The following LARP1B variants were observed in gnomAD, a reference collection of about 807,000 sequenced individuals.
The protein encoded by LARP1B is la-related protein 1B.
Under a neutral mutation model 114.2 loss-of-function variants are expected in LARP1B, and 76 were observed. That is an observed-to-expected ratio of 0.67 (90% confidence interval 0.55 to 0.81). The LOEUF is 0.81. LARP1B is among the 30% of genes least tolerant of loss of function. LARP1B has a pLI of 0.00. For synonymous variants in LARP1B, 345 were observed against 348.0 expected (o/e 0.99, Z 0.10); for missense variants, 1,014 against 1,075.8 (o/e 0.94, Z 0.80).
chr4:128,212,912 C>CTTTTTTTTTTTTTTTTTTTT (rs1174891101), downstream of LARP1B, among the ~76,000 whole-genome samples: 2 of 83,740 alleles, frequency 2.4e-5, no homozygotes, highest in African/African-American at 4.8e-5. Flanking sequence ...AAATCTCTCT[C>CTTTTTTTTTTTTTTTTTTTT]TTTTTTTTTT....
chr4:128,176,105 T>C (rs529486962), intron 12 of LARP1B, among the ~76,000 whole-genome samples: 61 of 145,606 alleles, frequency 4.2e-4, no homozygotes, highest in Admixed American at 7.0e-4. Flanking sequence ...TATATATATA[T>C]ACACACATAT....
At position 128,210,666 on chromosome 4, in the gene LARP1B, T is replaced by A. The variant is rs1453969953; in HGVS notation, c.*613T>A. 4 of 971,178 alleles carry A rather than the reference T, an allele frequency of 4.1e-6. No individual in the cohort carries two copies. Among genetic ancestry groups the A allele is most frequent in the Non-Finnish European group, 4.9e-6 (4 of 817,010 alleles). The allele number at this position is 971,178 out of a possible 1,614,324, so 60.2% of individuals were successfully genotyped here. ...GTAGGAATATATAGTAAGATTGTAG[T>A]TACAATGAGTATATGCACTTTTGAT... is the stretch of plus-strand genomic sequence containing the variant. On this transcript the variant is annotated 3_prime_UTR_variant, in exon 20 of 20. Transcript: ENST00000326639.
chr4:128,109,335 C>A (rs1783185591), intron 9 of LARP1B, among the ~76,000 whole-genome samples: 1 of 152,086 alleles, frequency 6.6e-6, no homozygotes, highest in Admixed American at 6.6e-5. Context: ...AAAATTTTAA[C>A]AACATAACTC....
At chr4:128,162,055 C>G in intron 11 of LARP1B, 139 bp from the exon 12 acceptor site, 2 of 666,532 alleles carry the variant, frequency 3.0e-6, no homozygotes, top group East Asian at 2.8e-5. Context: ...ATGCTAGACT[C>G]TTTATTAGAA....
At chr4:128,115,370 T>A (rs1785447254) in intron 10 of LARP1B, among the ~76,000 whole-genome samples, 1 of 152,168 alleles carries the variant, frequency 6.6e-6, no homozygotes, top group South Asian at 2.1e-4. Flanking sequence ...CGGGGCCCCC[T>A]GGGCAACATA....
At chr4:128,111,043 A>T (rs967716414) in intron 9 of LARP1B, among the ~76,000 whole-genome samples, 11 of 136,334 alleles carry the variant, frequency 8.1e-5, no homozygotes, top group African/African-American at 2.7e-4. Flanking sequence ...AAAACTCATA[A>T]TTTTTTTTTT....
chr4:128,136,001 A>C (rs1409747062), intron 11 of LARP1B, among the ~76,000 whole-genome samples: 1 of 152,154 alleles, frequency 6.6e-6, no homozygotes, highest in Non-Finnish European at 1.5e-5. Flanking sequence ...AAGAAAACTT[A>C]ATACACATAG....
At position 128,091,709 on chromosome 4, in the gene LARP1B, G is replaced by A. The variant is rs185225581; in HGVS notation, c.668+197G>A. On this transcript the variant is annotated intron_variant, in intron 7 of 19. Coordinates refer to ENST00000326639, the MANE Select transcript of LARP1B (RefSeq NM_018078.4). Reference sequence around the variant, plus strand: ...CCTCCTGGGTTCAAGTGATTGTTCCGCCTCAGCCTCCTGGGTAGTTGGGAT... The same window carrying A: ...CCTCCTGGGTTCAAGTGATTGTTCCACCTCAGCCTCCTGGGTAGTTGGGAT... 3.1e-3 allele frequency among the ~76,000 whole-genome samples: 465 copies of A among 151,744 alleles called. 4 individuals are homozygous for A. The highest frequency in any genetic ancestry group is 0.011 in the African/African-American group (446 of 41,372).
chr4:128,107,081 A>G, intron 8 of LARP1B, 58 bp from the exon 9 acceptor site: 1 of 1,395,448 alleles, frequency 7.2e-7, no homozygotes, highest in Non-Finnish European at 9.9e-7. Context: ...GGTTCTTAGA[A>G]GTATAGCACA....
intron 15 of LARP1B, among the ~76,000 whole-genome samples, chr4:128,196,793 G>T (rs957450316): frequency 6.6e-6 from 1 of 151,952 alleles, no homozygotes; most frequent in African/African-American, 2.4e-5. Flanking sequence ...CTCAACAAAA[G>T]ACTGGATAAG....
At chr4:128,116,695 G>A (rs1580621603) in intron 10 of LARP1B, among the ~76,000 whole-genome samples, 1 of 152,198 alleles carries the variant, frequency 6.6e-6, no homozygotes, top group East Asian at 1.9e-4. Flanking sequence ...AGATATTTCA[G>A]AGATAACTGT....
intron 11 of LARP1B, among the ~76,000 whole-genome samples, chr4:128,142,343 A>T (rs1479337539): frequency 6.6e-6 from 1 of 152,144 alleles, no homozygotes. Flanking sequence ...CCAGATGGTT[A>T]TGTGGGACCA....
At chr4:128,119,110 C>G (rs556757299) in intron 10 of LARP1B, among the ~76,000 whole-genome samples, 137 of 152,136 alleles carry the variant, frequency 9.0e-4, no homozygotes, top group Admixed American at 2.2e-3. Context: ...GTCTCGAACT[C>G]CTGACCTCAG....
At chr4:128,161,143 C>T (rs1167441974) in intron 11 of LARP1B, among the ~76,000 whole-genome samples, 1 of 152,022 alleles carries the variant, frequency 6.6e-6, no homozygotes, top group Non-Finnish European at 1.5e-5. Flanking sequence ...TGTAAGCAGT[C>T]CCTCAAACTC....
In LARP1B at chr4:128,081,029, A is replaced by T. The variant is rs540648059; in HGVS notation, c.218-1136A>T. ...TTTTAAATTAAACAGATTTTTTTTT[A>T]AAAAAGCCTAAGAATCAAGTACTAA... On this transcript the variant is annotated intron_variant, in intron 4 of 19. Transcript: ENST00000326639. Among the ~76,000 whole-genome samples the T allele has an allele frequency of 3.2e-3, 492 of 151,826 alleles. 4 individuals carry two copies. Among genetic ancestry groups the T allele is most frequent in the African/African-American group, 0.011 (440 of 41,404 alleles).
chr4:128,112,431 G>A (rs1784419460), intron 9 of LARP1B, among the ~76,000 whole-genome samples: 1 of 144,436 alleles, frequency 6.9e-6, no homozygotes, highest in South Asian at 2.2e-4. Flanking sequence ...CACATTTGAA[G>A]TGATAGATAA....
chr4:128,116,108 T>C (rs1785725369), intron 10 of LARP1B, among the ~76,000 whole-genome samples: 1 of 152,208 alleles, frequency 6.6e-6, no homozygotes, highest in African/African-American at 2.4e-5. Context: ...GGAGGGTACA[T>C]AAGAGAGTGA....
rs777803874 is a variant in LARP1B, at chr4:128,121,848, G to T, written c.1184G>T (p.Gly395Val). ...CAGGAATCAGTGTCTGTCCCTGAAG[G>T]GTCATTAAATCAGCTATGTTCTTCA... ...KLRESVSVPEGSLNQLCSSEE... is the reference protein window; with the variant it reads ...KLRESVSVPEVSLNQLCSSEE... Residue 395 changes from glycine (G) to valine (V), a missense_variant, in exon 11 of 20, where the codon GGG becomes GTG. Gly to Val is a moderately radical substitution (Grantham distance 109). Coordinates refer to ENST00000326639, the MANE Select transcript of LARP1B (RefSeq NM_018078.4). 5 of 1,594,888 alleles carry T rather than the reference G, an allele frequency of 3.1e-6. No homozygotes were observed. Among genetic ancestry groups the T allele is most frequent in the Non-Finnish European group, 4.3e-6 (5 of 1,171,244 alleles).
intron 1 of LARP1B, chr4:128,069,047 C>T (rs919023745): frequency 1.0e-6 from 1 of 978,618 alleles, no homozygotes; most frequent in Non-Finnish European, 1.5e-6. Flanking sequence ...GAGTATTGCG[C>T]CTTCTCCAAG....
Sources: gnomAD v4.1 joint callset for allele counts (sites outside exome capture counted in the v4.1 genomes callset) on GRCh38, gnomAD v4.1.1 for gene constraint, MANE v1.5 for transcripts, NCBI Gene and HGNC (gene_info 2026-07-23, HGNC 2026-07-21) for gene names.